Variants in GAL3ST1 observed in about 807,000 individuals in gnomAD.
GAL3ST1 encodes galactosylceramide sulfotransferase.
A neutral mutation model predicts 25.0 loss-of-function variants in GAL3ST1; 13 were observed. That is an observed-to-expected ratio of 0.52 (90% CI 0.34 to 0.83). The LOEUF (loss-of-function observed/expected upper bound fraction) is 0.83. Among genes scored for constraint, GAL3ST1 ranks in the 40% least tolerant of loss-of-function variants. The pLI is 0.02. For missense variants in GAL3ST1, 474 were observed against 613.6 expected, an observed-to-expected ratio of 0.77 and a Z score of 2.40; for synonymous variants, 274 against 277.8, an observed-to-expected ratio of 0.99 and a Z score of 0.14.
At chr22:30,559,030 C>T (rs1210717996) in intron 1 of GAL3ST1, among the ~76,000 whole-genome samples, 2 of 151,714 alleles carry the variant, frequency 1.3e-5, no homozygotes, top group African/African-American at 2.4e-5. Context: ...TGGTGGCATG[C>T]CCCTATAGTC....
Position 30,555,116 on chromosome 22 carries a change from G to C in GAL3ST1, c.1109C>G (p.Thr370Ser), listed in dbSNP as rs1289218966. The change falls in exon 4 of 4, where the codon ACC becomes AGC. Residue 370 changes from threonine to serine, a missense_variant. Thr to Ser is a moderately conservative substitution (Grantham distance 58). Coordinates refer to ENST00000406361, the MANE Select transcript of GAL3ST1 (RefSeq NM_001318104.2). The surrounding 1 kb of genome is among the most constrained non-coding windows in gnomAD (Gnocchi z 8.6). ...EAMQPWQPLG[T>S]KSILGYNLKK... ...GAGGTTGTAGCCCAGGATGGACTTG[G>C]TGCCCAGCGGCTGCCAGGGCTGCAT... The C allele has an allele frequency of 6.2e-7, 1 of 1,611,744 alleles. No homozygotes were observed. The highest frequency in any genetic ancestry group is 1.3e-5 in the African/African-American group (1 of 74,936).
intron 1 of GAL3ST1, among the ~76,000 whole-genome samples, chr22:30,563,457 A>T (rs1192278026): frequency 6.6e-6 from 1 of 152,112 alleles, no homozygotes; most frequent in African/African-American, 2.4e-5. Context: ...CTCTACAAAA[A>T]ATACAAAAAT....
In GAL3ST1 at chr22:30,556,027, G is replaced by T. The variant is rs4149493; in HGVS notation, c.198C>A (p.Asn66Lys). 1.9e-6 allele frequency: 3 copies of T among 1,612,822 alleles called. No individual in the cohort carries two copies. Among genetic ancestry groups the T allele is most frequent in the Non-Finnish European group, 1.7e-6 (2 of 1,179,918 alleles). ...GCGGCTGGCACTCCCCCGCCGAGCC[G>T]TTGGCCCGGATCACTGCCTCTGGCT... The part of the protein sequence containing the change: ...ALEPEAVIRA[N>K]GSAGECQPRR... Residue 66 changes from asparagine to lysine, a missense_variant, in exon 4 of 4, where the codon AAC (asparagine) becomes AAA (lysine). Around this residue, in one of 2 missense-constraint regions of GAL3ST1, gnomAD observed 115 missense variants for 109.2 expected, o/e 1.05. Coordinates refer to ENST00000406361, the MANE Select transcript of GAL3ST1 (RefSeq NM_001318104.2).
At chr22:30,567,875 G>T (rs2086670945) in intron 1 of GAL3ST1, among the ~76,000 whole-genome samples, 1 of 151,948 alleles carries the variant, frequency 6.6e-6, no homozygotes, top group South Asian at 2.1e-4. Flanking sequence ...TAGAGACAGG[G>T]TTTCACCACC....
chr22:30,573,640 C>G (rs367842081), intron 1 of GAL3ST1, among the ~76,000 whole-genome samples: 2 of 152,212 alleles, frequency 1.3e-5, no homozygotes, highest in South Asian at 4.1e-4. Context: ...CCTGTCACCG[C>G]GGCAGCCCGG....
At chr22:30,570,917 T>C (rs1167015560) in intron 1 of GAL3ST1, among the ~76,000 whole-genome samples, 1 of 151,972 alleles carries the variant, frequency 6.6e-6, no homozygotes, top group Non-Finnish European at 1.5e-5. Flanking sequence ...AGTTATAAAT[T>C]GTAGCTCTCT....
Position 30,574,312 on chromosome 22 carries a change from G to T in GAL3ST1, c.-120+154C>A, listed in dbSNP as rs112593357. On this transcript the variant is annotated intron_variant, in intron 1 of 3. Coordinates refer to ENST00000406361, the MANE Select transcript of GAL3ST1 (RefSeq NM_001318104.2). Reference sequence around the variant, plus strand: ...GGCCACCCTCTGGCAGTGGGCAGGGGTACCCAGCGCTTAGAACAGCGGTAC... The same window carrying T: ...GGCCACCCTCTGGCAGTGGGCAGGGTTACCCAGCGCTTAGAACAGCGGTAC... Among the ~76,000 whole-genome samples the T allele has an allele frequency of 9.2e-5, 14 of 152,242 alleles. 1 individual carries two copies. Among genetic ancestry groups the T allele is most frequent in the African/African-American group, 2.9e-4 (12 of 41,556 alleles).
At chr22:30,573,651 G>C (rs1175572643) in intron 1 of GAL3ST1, among the ~76,000 whole-genome samples, 2 of 152,222 alleles carry the variant, frequency 1.3e-5, no homozygotes, top group African/African-American at 4.8e-5. Context: ...GGCAGCCCGG[G>C]GATCAGGTGT....
chr22:30,570,977 T>TACACAC (rs67031445), intron 1 of GAL3ST1, among the ~76,000 whole-genome samples: 3,191 of 146,146 alleles, frequency 0.022, 76 homozygotes, highest in East Asian at 0.1. Flanking sequence ...TCTGTGATGA[T>TACACAC]ACACACACAC....
At chr22:30,564,007 C>T (rs554453154) in intron 1 of GAL3ST1, among the ~76,000 whole-genome samples, 16 of 152,286 alleles carry the variant, frequency 1.1e-4, no homozygotes, top group South Asian at 1.0e-3. Flanking sequence ...TGGGTTCCAT[C>T]TCCAAGATAT....
intron 1 of GAL3ST1, among the ~76,000 whole-genome samples, chr22:30,569,318 A>G (rs939104454): frequency 6.6e-6 from 1 of 152,170 alleles, no homozygotes; most frequent in African/African-American, 2.4e-5. Flanking sequence ...GACCTGGAAC[A>G]AGAAGGCTGG....
At chr22:30,571,983 G>A (rs1025677927) in intron 1 of GAL3ST1, among the ~76,000 whole-genome samples, 4 of 152,138 alleles carry the variant, frequency 2.6e-5, no homozygotes, top group East Asian at 1.9e-4. Context: ...TTGCCTACAC[G>A]GCAAAGCCAA....
intron 1 of GAL3ST1, among the ~76,000 whole-genome samples, chr22:30,567,976 C>T (rs2086674165): frequency 6.6e-6 from 1 of 152,196 alleles, no homozygotes; most frequent in Admixed American, 6.5e-5. Context: ...AGCCACCGCG[C>T]CCAGCCCGTG....
At chr22:30,562,957 A>T (rs1175697915) in intron 1 of GAL3ST1, among the ~76,000 whole-genome samples, 2 of 152,102 alleles carry the variant, frequency 1.3e-5, no homozygotes, top group Admixed American at 1.3e-4. Context: ...TCTACTAAAG[A>T]TACAAAAAAT....
At chr22:30,559,800 G>A (rs564381145) in intron 1 of GAL3ST1, among the ~76,000 whole-genome samples, 20 of 152,286 alleles carry the variant, frequency 1.3e-4, no homozygotes, top group East Asian at 3.9e-4. Flanking sequence ...AGAGAGCTGC[G>A]GCTTGGAGGG....
At chr22:30,573,665 G>C (rs1467780975) in intron 1 of GAL3ST1, among the ~76,000 whole-genome samples, 1 of 152,270 alleles carries the variant, frequency 6.6e-6, no homozygotes, top group African/African-American at 2.4e-5. Flanking sequence ...CAGGTGTCAG[G>C]CATGCTGCCT....
At chr22:30,566,781 T>C (rs924331301) in intron 1 of GAL3ST1, among the ~76,000 whole-genome samples, 2 of 151,802 alleles carry the variant, frequency 1.3e-5, no homozygotes, top group African/African-American at 4.8e-5. Flanking sequence ...GGCTAATTTT[T>C]TGTATTTTTA....
intron 1 of GAL3ST1, among the ~76,000 whole-genome samples, chr22:30,566,370 C>T (rs2086623943): frequency 6.6e-6 from 1 of 152,240 alleles, no homozygotes; most frequent in South Asian, 2.1e-4. Context: ...ACCTGTCATG[C>T]ATCATGCAGC....
At chr22:30,558,410 A>G (rs191124330) in intron 1 of GAL3ST1, 22 bp from the exon 2 acceptor site, 1 of 152,282 alleles carries the variant, frequency 6.6e-6, no homozygotes, top group East Asian at 1.9e-4. Context: ...AAATAAACAA[A>G]TAAATAAGAA....
Sources: allele counts gnomAD v4.1 joint callset (sites outside exome capture counted in the v4.1 genomes callset), GRCh38; gene constraint gnomAD v4.1.1; regional missense constraint gnomAD v4.1.1; non-coding constraint Gnocchi (gnomAD v3.1); transcripts MANE v1.5; gene names NCBI Gene and HGNC (gene_info 2026-07-23, HGNC 2026-07-21).